Variants in MRO observed in about 807,000 individuals in gnomAD.
The protein encoded by MRO is maestro, also known as protein maestro.
Under a neutral mutation model 31.0 loss-of-function variants are expected in MRO, and 28 were observed. The ratio of observed to expected loss-of-function variants is 0.90; its 90% CI spans 0.67 to 1.24. MRO has a LOEUF of 1.24. Among genes scored for constraint, MRO ranks in the 50% most tolerant of loss-of-function variants. MRO has a pLI of 0.00. For synonymous variants in MRO, 108 were observed against 108.4 expected (o/e 1.00, Z 0.02); for missense variants, 332 against 289.2 (o/e 1.15, Z -1.07).
At chr18:50,819,755 C>G in intron 1 of MRO, 53 bp from the exon 2 acceptor site, 2 of 1,547,368 alleles carry the variant, frequency 1.3e-6, no homozygotes, top group Non-Finnish European at 1.7e-6. Context: ...TCCAGGATAA[C>G]GGGTCGGCAC....
At chr18:50,802,534 T>A (rs1432446281) in intron 5 of MRO, among the ~76,000 whole-genome samples, 1 of 151,968 alleles carries the variant, frequency 6.6e-6, no homozygotes, top group African/African-American at 2.4e-5. Flanking sequence ...GTAGTCTAAG[T>A]CCTCCTCCAG....
intron 4 of MRO, 44 bp downstream of exon 4, chr18:50,806,660 G>T (rs761325324): frequency 1.9e-6 from 3 of 1,611,676 alleles, no homozygotes; most frequent in Non-Finnish European, 2.5e-6. Context: ...CAAGGTGGTT[G>T]GAGAGGCTTG....
intron 4 of MRO, among the ~76,000 whole-genome samples, chr18:50,806,229 C>T (rs897961699): frequency 2.0e-5 from 3 of 152,176 alleles, no homozygotes; most frequent in Non-Finnish European, 4.4e-5. Context: ...ACCACTACGG[C>T]CCAGCCCATA....
chr18:50,815,409 T>C (rs906398425), intron 2 of MRO: 34 of 238,938 alleles, frequency 1.4e-4, no homozygotes, highest in African/African-American at 7.8e-4. Context: ...GAGATGACAG[T>C]GGATAGAATG....
At chr18:50,800,327 T>C (rs955569695) in intron 6 of MRO, among the ~76,000 whole-genome samples, 184 bp from the exon 7 acceptor site, 5 of 152,214 alleles carry the variant, frequency 3.3e-5, no homozygotes, top group African/African-American at 9.7e-5. Context: ...GCCATGTCTA[T>C]AATTTGGGGA....
At chr18:50,807,287 C>T (rs1355180699) in intron 3 of MRO, among the ~76,000 whole-genome samples, 1 of 152,166 alleles carries the variant, frequency 6.6e-6, no homozygotes, top group Non-Finnish European at 1.5e-5. Context: ...TAGCCAAATG[C>T]CTTGAAAGAC....
chr18:50,823,015 GA>G (rs1915365664), upstream of MRO, among the ~76,000 whole-genome samples: 1 of 152,208 alleles, frequency 6.6e-6, no homozygotes, highest in Non-Finnish European at 1.5e-5. Context: ...AGTCACTCGG[GA>G]AAACCCTTTG....
intron 3 of MRO, among the ~76,000 whole-genome samples, chr18:50,808,272 G>A (rs549196240): frequency 3.3e-5 from 5 of 152,118 alleles, no homozygotes; most frequent in East Asian, 1.9e-4. Context: ...TCAAGATGAC[G>A]AAATATCCAG....
At chr18:50,809,164 A>T in intron 3 of MRO, 138 bp downstream of exon 3, 1 of 322,066 alleles carries the variant, frequency 3.1e-6, no homozygotes, top group East Asian at 5.5e-5. Flanking sequence ...AAAAAAAAAA[A>T]AAAAAAAAAC....
At position 50,805,037 on chromosome 18, in the gene MRO, C is replaced by T. The variant is rs200228658; in HGVS notation, c.429+117G>A. 37 of 775,512 alleles carry T rather than the reference C, an allele frequency of 4.8e-5. No individual in the cohort carries two copies. In the East Asian group the frequency reaches 7.2e-4, roughly 15 times the overall value. 48.0% of individuals were successfully genotyped at this position (775,512 alleles called of 1,614,324 possible). ...GATCTCCTGACCTCGTGATCCCACC[C>T]GCCTCGGCCTCCCAAAGTGCTGAGA... On this transcript the variant is annotated intron_variant, in intron 5 of 7. Transcript: ENST00000398439.
At chr18:50,817,993 C>T (rs1214375462) in intron 2 of MRO, among the ~76,000 whole-genome samples, 4 of 121,748 alleles carry the variant, frequency 3.3e-5, no homozygotes, top group African/African-American at 1.3e-4. Flanking sequence ...AAAGAACTCC[C>T]ACCCCCCGCC....
intron 3 of MRO, among the ~76,000 whole-genome samples, chr18:50,808,493 C>G (rs543232047): frequency 1.3e-5 from 2 of 149,332 alleles, no homozygotes; most frequent in South Asian, 2.1e-4. Flanking sequence ...GCGTCTCGCT[C>G]TGTCGCCCAG....
Position 50,801,362 on chromosome 18 carries a change from G to A in MRO, c.572C>T (p.Pro191Leu). 6.3e-7 allele frequency: 1 copy of A among 1,583,786 alleles called. No homozygotes were observed. Among genetic ancestry groups the A allele is most frequent in the Non-Finnish European group, 8.6e-7 (1 of 1,162,152 alleles). Residue 191 changes from proline to leucine, a missense_variant, in exon 6 of 8, where the codon CCC (proline) becomes CTC (leucine). Transcript: ENST00000398439. ...TCAAGGTCTTACCTTGGCAACCTGGGGATTTCTGTCCTGTAAATGGATCAG... is the reference window on the plus strand; with the variant it reads ...TCAAGGTCTTACCTTGGCAACCTGGAGATTTCTGTCCTGTAAATGGATCAG... ...SLLIHLQDRN[P>L]QVAKACKTTF...
rs1419791102 is a variant in MRO, at chr18:50,806,637, G to A, written c.246+67C>T. On this transcript the variant is annotated intron_variant, in intron 4 of 7. Coordinates refer to ENST00000398439, the MANE Select transcript of MRO (RefSeq NM_031939.6). The stretch of plus-strand genomic sequence containing the variant: ...CAACAGACACCATACTCCAGCCCTG[G>A]GAGTCTCCACACCAAGGTGGTTGGA... The A allele has an allele frequency of 3.2e-6, 5 of 1,585,234 alleles. No homozygotes were observed. The African/African-American group carries it at 6.7e-5, about 21-fold the overall frequency.
At chr18:50,813,224 G>A (rs543965476) in intron 2 of MRO, among the ~76,000 whole-genome samples, 9 of 152,126 alleles carry the variant, frequency 5.9e-5, no homozygotes, top group South Asian at 2.1e-4. Flanking sequence ...CTCCCTCACC[G>A]CCTAACTTCC....
intron 5 of MRO, among the ~76,000 whole-genome samples, chr18:50,802,997 A>G (rs371096716): frequency 1.3e-5 from 2 of 151,912 alleles, no homozygotes; most frequent in East Asian, 3.9e-4. Flanking sequence ...CTAATGCTTT[A>G]AGATGTACAG....
rs1599001139 is a variant in MRO, at chr18:50,799,056, A to C, written c.*281T>G. 1.4e-5 allele frequency: 4 copies of C among 284,384 alleles called. No individual in the cohort carries two copies. In the East Asian group the frequency reaches 2.8e-4, roughly 20 times the overall value. The allele number at this position is 284,384 out of a possible 1,614,324, so 17.6% of individuals were successfully genotyped here. On this transcript the variant is annotated 3_prime_UTR_variant, in exon 8 of 8. Coordinates refer to ENST00000398439, the MANE Select transcript of MRO (RefSeq NM_031939.6). ...AGAAAAAGCTGAGAAATAAGCACTG[A>C]ATCTATATACACTTGGAATGTTTTA...
At chr18:50,800,198 A>C in intron 6 of MRO, 55 bp from the exon 7 acceptor site, 1 of 1,285,432 alleles carries the variant, frequency 7.8e-7, no homozygotes, top group Non-Finnish European at 1.1e-6. Flanking sequence ...AATCCCAAGC[A>C]AGGAAAAGTA....
intron 5 of MRO, among the ~76,000 whole-genome samples, chr18:50,801,833 A>C (rs1439452464): frequency 6.6e-6 from 1 of 152,202 alleles, no homozygotes; most frequent in Non-Finnish European, 1.5e-5. Context: ...GAGATAGAAT[A>C]CATTTATAAA....
Sources: allele counts gnomAD v4.1 joint callset (sites outside exome capture counted in the v4.1 genomes callset), GRCh38; gene constraint gnomAD v4.1.1; transcripts MANE v1.5; gene names NCBI Gene and HGNC (gene_info 2026-07-23, HGNC 2026-07-21).